Variants in PPP6R1 observed in about 807,000 individuals in gnomAD.
The protein encoded by PPP6R1 is serine/threonine-protein phosphatase 6 regulatory subunit 1.
PPP6R1 carries 39 observed loss-of-function variants against 104.6 expected under a neutral mutation model. The ratio of observed to expected loss-of-function variants is 0.37; its 90% CI spans 0.29 to 0.49. The LOEUF is 0.49. Ranked by LOEUF, PPP6R1 falls within the 20% of genes least tolerant of loss-of-function variation. The pLI, the probability that PPP6R1 is intolerant of heterozygous loss-of-function variation, is 0.98. For synonymous variants in PPP6R1, 549 were observed against 479.0 expected, an observed-to-expected ratio of 1.15 and a Z score of -1.91; for missense variants, 1,181 against 1,155.8, an observed-to-expected ratio of 1.02 and a Z score of -0.32.
chr19:55,245,087 A>C lies in PPP6R1; in HGVS notation c.618+33T>G. 6.2e-7 allele frequency: 1 copy of C among 1,609,846 alleles called. No homozygotes were observed. The highest frequency in any genetic ancestry group is 8.5e-7 in the Non-Finnish European group (1 of 1,178,162). On this transcript the variant is annotated intron_variant, in intron 5 of 23. Transcript: ENST00000412770. The surrounding 1 kb of genome is among the most constrained non-coding windows in gnomAD (Gnocchi z 6.4). ...AAGTGGGCATGGGGAAGGAACTCTAAGGGGAATCCGCAGGGGCATCGGCAG... is the reference window on the plus strand; with the variant it reads ...AAGTGGGCATGGGGAAGGAACTCTACGGGGAATCCGCAGGGGCATCGGCAG...
At chr19:55,242,733 T>C (rs1189064935) in intron 5 of PPP6R1, 3 of 503,550 alleles carry the variant, frequency 6.0e-6, no homozygotes, top group East Asian at 3.7e-5. Context: ...CATGACCGCA[T>C]ACAGGGCTGG....
chr19:55,231,814 G>A lies in PPP6R1; in HGVS notation c.2294C>T (p.Ala765Val), dbSNP rs11552269. 2.0e-6 allele frequency: 3 copies of A among 1,501,072 alleles called. No homozygotes were observed. The highest frequency in any genetic ancestry group is 2.7e-6 in the Non-Finnish European group (3 of 1,126,428). The allele number at this position is 1,501,072 out of a possible 1,614,324, so 93.0% of individuals were successfully genotyped here. A position where few individuals can be genotyped will look rare whatever the true frequency, so the allele number is the denominator to read the frequency against. Residue 765 changes from alanine (A) to valine (V), a missense_variant, in exon 19 of 24, where the codon GCC (alanine) becomes GTC (valine). By Grantham distance (64) the Ala-to-Val change is moderately conservative. Transcript: ENST00000412770. ...QSLASPPARD[A>V]LQLRSQDPTP... ...ATCCGGTTCTCACCTGAGCTGCAGGGCGTCACGGGCAGGAGGGCTGGCCAG... is the reference window on the plus strand; with the variant it reads ...ATCCGGTTCTCACCTGAGCTGCAGGACGTCACGGGCAGGAGGGCTGGCCAG...
chr19:55,247,276 C>A, intron 1 of PPP6R1, 167 bp from the exon 2 acceptor site: 1 of 664,436 alleles, frequency 1.5e-6, no homozygotes, highest in Non-Finnish European at 2.6e-6. Context: ...TGCCCGCAGG[C>A]TCACTGCCTC....
At chr19:55,231,554 T>C (rs767153173) in intron 20 of PPP6R1, 44 bp downstream of exon 20, 10 of 1,600,160 alleles carry the variant, frequency 6.2e-6, no homozygotes, top group African/African-American at 1.3e-5. Context: ...CAGGCTGCTC[T>C]CTCTGCCCAG....
At position 55,241,066 on chromosome 19, in the gene PPP6R1, T is replaced by C; in HGVS notation, c.1175A>G (p.His392Arg). ...VPNTMLDLFF[H>R]YVFNNFLHAQ... The stretch of plus-strand genomic sequence containing the variant: ...ATGCAAGAAGTTGTTGAAGACATAA[T>C]GGAAGAAGAGGTCCTATGGGAGGAC... Residue 392 changes from histidine to arginine, a missense_variant, in exon 10 of 24, where the codon CAT becomes CGT. Around this residue, in one of 2 missense-constraint regions of PPP6R1, gnomAD observed 1,042 missense variants for 955.6 expected, o/e 1.09. Coordinates refer to ENST00000412770, the MANE Select transcript of PPP6R1 (RefSeq NM_014931.4). The surrounding 1 kb of genome is among the most constrained non-coding windows in gnomAD (Gnocchi z 5.4). 1.3e-6 allele frequency: 2 copies of C among 1,552,386 alleles called. No homozygotes were observed. The highest frequency in any genetic ancestry group is 2.0e-5 in the Admixed American group (1 of 51,086).
At chr19:55,249,772 G>A (rs143848976) in intron 1 of PPP6R1, among the ~76,000 whole-genome samples, 80 of 152,224 alleles carry the variant, frequency 5.3e-4, no homozygotes, top group African/African-American at 1.7e-3. Flanking sequence ...ACCCGGGAGC[G>A]GAGGTTGCAG....
chr19:55,257,932 A>G (rs905852400), intron 1 of PPP6R1, among the ~76,000 whole-genome samples: 1 of 152,208 alleles, frequency 6.6e-6, no homozygotes, highest in African/African-American at 2.4e-5. Flanking sequence ...AAGAAGCCGG[A>G]GGCGGGAGAG....
At chr19:55,253,154 A>C (rs889788659) in intron 1 of PPP6R1, among the ~76,000 whole-genome samples, 5 of 152,192 alleles carry the variant, frequency 3.3e-5, no homozygotes, top group African/African-American at 1.2e-4. Flanking sequence ...TCTGTAGAAA[A>C]TCCATGGACC....
chr19:55,230,619 C>T lies in PPP6R1; in HGVS notation c.2636G>A (p.Gly879Asp). The change falls in exon 23 of 24, where the codon GGC (glycine) becomes GAC (aspartate). Residue 879 changes from glycine (G) to aspartate (D), a missense_variant. This residue lies in a region of PPP6R1 where 1,042 missense variants were observed against 955.6 expected (regional missense o/e 1.09). Transcript: ENST00000412770. ...AGGCTGCAGCCACACTCACTGGGAGCCTGGGGATGCAGGCCCTTCCGGGGC... is the reference window on the plus strand; with the variant it reads ...AGGCTGCAGCCACACTCACTGGGAGTCTGGGGATGCAGGCCCTTCCGGGGC... ...GSAPEGPASP[G>D]SQ 2 of 1,612,162 alleles carry T rather than the reference C, an allele frequency of 1.2e-6. No individual in the cohort carries two copies. The highest frequency in any genetic ancestry group is 1.1e-5 in the South Asian group (1 of 90,866).
chr19:55,258,276 G>A (rs1440626539), intron 1 of PPP6R1, among the ~76,000 whole-genome samples, 159 bp downstream of exon 1: 2 of 152,190 alleles, frequency 1.3e-5, no homozygotes, highest in African/African-American at 2.4e-5. Flanking sequence ...GAAGAAACGG[G>A]GTGCCGTGGA....
chr19:55,238,977 A>G (rs1033127403), intron 15 of PPP6R1: 1 of 180,924 alleles, frequency 5.5e-6, no homozygotes, highest in African/African-American at 2.4e-5. Context: ...GGAAAACTGG[A>G]CCCCCATGTC....
In PPP6R1 at chr19:55,239,671, G is replaced by A; in HGVS notation, c.1576C>T (p.His526Tyr). The A allele has an allele frequency of 6.2e-7, 1 of 1,611,236 alleles. No individual in the cohort carries two copies. ...KNMVDLVNTH[H>Y]LHSSSDDEDD... ...TCATCGTCACTGGAGGAGTGTAGGT[G>A]GTGGGTGTTCACCTGGGGAGAGGAG... Residue 526 changes from histidine to tyrosine, a missense_variant, in exon 14 of 24, where the codon CAC (histidine) becomes TAC (tyrosine). By Grantham distance (83) the His-to-Tyr change is moderately conservative (BLOSUM62 2). Transcript: ENST00000412770.
rs973728891 is a variant in PPP6R1 at position 55,258,746 on chromosome 19, G to C, written c.-318C>G. ...CGAGGTGGGCGTGCGGGCCGAGGCGGGTTGGCGAGCCGGGTCGCGAGGCCC... is the reference window on the plus strand; with the variant it reads ...CGAGGTGGGCGTGCGGGCCGAGGCGCGTTGGCGAGCCGGGTCGCGAGGCCC... On this transcript the variant is annotated 5_prime_UTR_variant, in exon 1 of 24. Coordinates refer to ENST00000412770, the MANE Select transcript of PPP6R1 (RefSeq NM_014931.4). 15 of 152,036 alleles carry C rather than the reference G, an allele frequency of 9.9e-5. No individual in the cohort carries two copies. Among genetic ancestry groups the C allele is most frequent in the African/African-American group, 3.6e-4 (15 of 41,502 alleles). The allele number at this position is 152,036 out of a possible 1,614,324, so 9.4% of individuals were successfully genotyped here.
intron 1 of PPP6R1, among the ~76,000 whole-genome samples, chr19:55,249,388 T>A (rs1478100796): frequency 6.6e-6 from 1 of 152,140 alleles, no homozygotes; most frequent in East Asian, 1.9e-4. Flanking sequence ...ACTACAAGCA[T>A]CTGCCACCAC....
At position 55,229,956 on chromosome 19, in the gene PPP6R1, C is replaced by T. The variant is rs2087324199; in HGVS notation, c.*572G>A. The T allele has an allele frequency of 2.0e-5, 3 of 152,710 alleles. No homozygotes were observed. The highest frequency in any genetic ancestry group is 1.3e-4 in the Admixed American group (2 of 15,336). The allele number at this position is 152,710 out of a possible 1,614,324, so 9.5% of individuals were successfully genotyped here. A position where few individuals can be genotyped will look rare whatever the true frequency, so the allele number is the denominator to read the frequency against. ...TGTTGCCGGGGAGGCCCCTGCTCCC[C>T]AGAGCCGGACTGGCCTGGTTGAAAG... On this transcript the variant is annotated 3_prime_UTR_variant, in exon 24 of 24. Transcript: ENST00000412770.
intron 1 of PPP6R1, among the ~76,000 whole-genome samples, chr19:55,252,261 T>C (rs2087559243): frequency 6.6e-6 from 1 of 151,970 alleles, no homozygotes; most frequent in Non-Finnish European, 1.5e-5. Flanking sequence ...ACAGAGTCTC[T>C]CTCTGTCACC....
intron 17 of PPP6R1, among the ~76,000 whole-genome samples, chr19:55,234,055 T>TA (rs1161126001): frequency 2.6e-5 from 4 of 152,226 alleles, no homozygotes; most frequent in African/African-American, 9.6e-5. Context: ...GTTCAAGCGA[T>TA]ATTCCTGCCT....
rs1238139616 is a variant in PPP6R1 at position 55,241,427 on chromosome 19, C to A, written c.1009-36G>T. 2 of 1,596,210 alleles carry A rather than the reference C, an allele frequency of 1.3e-6. No homozygotes were observed. Among genetic ancestry groups the A allele is most frequent in the South Asian group, 1.1e-5 (1 of 89,844 alleles). On this transcript the variant is annotated intron_variant, in intron 8 of 23. Coordinates refer to ENST00000412770, the MANE Select transcript of PPP6R1 (RefSeq NM_014931.4). This position sits in a 1 kb window ranked among gnomAD's most constrained non-coding sequence, Gnocchi z 5.4. Reference sequence around the variant, plus strand: ...AGGGAGGCCTGATTCCCAAGGGCTGCCCTTCCTGCTTCCCCCGCCTCCCCG... The same window carrying A: ...AGGGAGGCCTGATTCCCAAGGGCTGACCTTCCTGCTTCCCCCGCCTCCCCG...
intron 5 of PPP6R1, among the ~76,000 whole-genome samples, chr19:55,244,845 G>A (rs1019518668): frequency 1.8e-4 from 28 of 151,836 alleles, no homozygotes; most frequent in Admixed American, 5.9e-4. Flanking sequence ...CCCGGCTCAA[G>A]CAATCCTCCT....
Sources: gnomAD v4.1 joint callset for allele counts (sites outside exome capture counted in the v4.1 genomes callset) on GRCh38, gnomAD v4.1.1 for gene constraint, gnomAD v4.1.1 regional missense constraint, Gnocchi (gnomAD v3.1) non-coding constraint, MANE v1.5 for transcripts, NCBI Gene and HGNC (gene_info 2026-07-23, HGNC 2026-07-21) for gene names.